The following TSNARE1 variants were observed in gnomAD, a reference collection of about 807,000 sequenced individuals.
TSNARE1 encodes the protein t-SNARE domain containing 1, also known as t-SNARE domain-containing protein 1.
A neutral mutation model predicts 62.0 loss-of-function variants in TSNARE1; 49 were observed. The observed-to-expected ratio is 0.79, with a 90% CI of 0.63 to 1.00. The LOEUF is 1.00. TSNARE1 is among the 50% of genes least tolerant of loss of function. The probability of loss-of-function intolerance (pLI) is 0.00; values close to 1 mark genes in which losing one functional copy is unlikely to be tolerated. For missense variants in TSNARE1, 755 were observed against 700.1 expected (o/e 1.08, Z -0.88); for synonymous variants, 328 against 294.4 (o/e 1.11, Z -1.17).
chr8:142,334,937 G>A (rs1831546579), intron 4 of TSNARE1, among the ~76,000 whole-genome samples: 1 of 152,250 alleles, frequency 6.6e-6, no homozygotes, highest in African/African-American at 2.4e-5. Flanking sequence ...AATGTTAGAA[G>A]CAGCTAGTTA....
intron 13 of TSNARE1, among the ~76,000 whole-genome samples, chr8:142,215,585 C>A (rs547025376): frequency 6.6e-6 from 1 of 152,170 alleles, no homozygotes; most frequent in Non-Finnish European, 1.5e-5. Flanking sequence ...AACCTGAGAA[C>A]CCCCAGGAGA....
chr8:142,287,784 G>A (rs1366751714), intron 10 of TSNARE1, among the ~76,000 whole-genome samples: 4 of 149,518 alleles, frequency 2.7e-5, no homozygotes, highest in South Asian at 2.2e-4. Context: ...CAGATCTCAG[G>A]GACAGTGGGC....
chr8:142,261,075 A>G (rs1377883112), intron 12 of TSNARE1, among the ~76,000 whole-genome samples: 2 of 3,622 alleles, frequency 5.5e-4, no homozygotes, highest in African/African-American at 1.2e-3. Flanking sequence ...GAGGGAGGAG[A>G]GAGGAAAGGA....
chr8:142,328,965 T>C (rs1449651322), intron 6 of TSNARE1, among the ~76,000 whole-genome samples: 1 of 152,208 alleles, frequency 6.6e-6, no homozygotes, highest in Non-Finnish European at 1.5e-5. Context: ...CTCCTGAGAC[T>C]GGGTCCCTCC....
intron 12 of TSNARE1, among the ~76,000 whole-genome samples, chr8:142,232,585 G>A (rs1406545028): frequency 6.6e-6 from 1 of 152,228 alleles, no homozygotes; most frequent in Non-Finnish European, 1.5e-5. Flanking sequence ...GAGCCCGAGG[G>A]AGCACCTGCG....
At chr8:142,282,307 C>T (rs534921982) in intron 11 of TSNARE1, among the ~76,000 whole-genome samples, 2 of 152,360 alleles carry the variant, frequency 1.3e-5, no homozygotes, top group African/African-American at 2.4e-5. Context: ...AGAACAGCCT[C>T]ACTGTGGGGA....
chr8:142,305,820 C>T (rs879918144), intron 9 of TSNARE1, among the ~76,000 whole-genome samples: 16 of 152,226 alleles, frequency 1.1e-4, no homozygotes, highest in Non-Finnish European at 1.8e-4. Context: ...TTTCTCCTCC[C>T]CACAGGGCTC....
intron 1 of TSNARE1, among the ~76,000 whole-genome samples, chr8:142,394,780 C>T (rs932444951): frequency 6.6e-6 from 1 of 152,176 alleles, no homozygotes; most frequent in Admixed American, 6.5e-5. Context: ...GCAGGGTCAC[C>T]GCAGCACTCC....
At chr8:142,232,541 C>G (rs1177685205) in intron 12 of TSNARE1, among the ~76,000 whole-genome samples, 1 of 152,224 alleles carries the variant, frequency 6.6e-6, no homozygotes, top group Non-Finnish European at 1.5e-5. Flanking sequence ...GCCAAAGGGG[C>G]GGACCCGGAT....
intron 9 of TSNARE1, 39 bp downstream of exon 9, chr8:142,314,345 C>T (rs1183723317): frequency 6.3e-7 from 1 of 1,586,062 alleles, no homozygotes; most frequent in Non-Finnish European, 8.6e-7. Flanking sequence ...TGGGCTGTCC[C>T]CTAACAGCCA....
chr8:142,291,897 A>C lies in TSNARE1; in HGVS notation c.1291-7412T>G, dbSNP rs1365491722. ...TGAGGTGTGGGGTGAGGAATGAGGG[A>C]GAGGACAGTCCATTGGGAGTACGGG... On this transcript the variant is annotated intron_variant, in intron 10 of 13. Transcript: ENST00000524325. This position sits in a 1 kb window ranked among gnomAD's most constrained non-coding sequence, Gnocchi z 4.8. 6.6e-6 allele frequency among the ~76,000 whole-genome samples: 1 copy of C among 151,966 alleles called. No homozygotes were observed.
At position 142,300,543 on chromosome 8, in the gene TSNARE1, G is replaced by A. The variant is rs1413524507; in HGVS notation, c.1233C>T (p.Ile411=). 6.2e-7 allele frequency: 1 copy of A among 1,611,994 alleles called. No individual in the cohort carries two copies. The highest frequency in any genetic ancestry group is 8.5e-7 in the Non-Finnish European group (1 of 1,179,968). ...QGQEQALLPD[I]TEEDLEAIRL... Reference sequence around the variant, plus strand: ...GGATGGCCTCCAGGTCCTCTTCAGTGATGTCCGGGAGCAGCGCCTGCTCCT... The same window carrying A: ...GGATGGCCTCCAGGTCCTCTTCAGTAATGTCCGGGAGCAGCGCCTGCTCCT... The change falls in exon 10 of 14, where the codon ATC becomes ATT. Residue 411 remains isoleucine (I), a synonymous_variant. Transcript: ENST00000524325.
intron 11 of TSNARE1, chr8:142,280,235 T>G: frequency 1.0e-6 from 1 of 985,292 alleles, no homozygotes; most frequent in Non-Finnish European, 1.2e-6. Flanking sequence ...CGCAGGGGTG[T>G]GGAGCCCGGC....
At chr8:142,384,065 C>CAA (rs1196319697) in intron 1 of TSNARE1, among the ~76,000 whole-genome samples, 1 of 152,176 alleles carries the variant, frequency 6.6e-6, no homozygotes, top group Non-Finnish European at 1.5e-5. Flanking sequence ...ACCCAGAACT[C>CAA]AAACGCCTTT....
At chr8:142,298,390 T>C (rs1407407978) in intron 10 of TSNARE1, among the ~76,000 whole-genome samples, 1 of 152,156 alleles carries the variant, frequency 6.6e-6, no homozygotes, top group African/African-American at 2.4e-5. Flanking sequence ...TCCACTCCTC[T>C]GAACCCCATC....
At chr8:142,255,912 C>T (rs1450456708) in intron 12 of TSNARE1, among the ~76,000 whole-genome samples, 1 of 75,192 alleles carries the variant, frequency 1.3e-5, no homozygotes, top group Non-Finnish European at 3.5e-5. Context: ...TCACCATCAC[C>T]ACCACCATCA....
chr8:142,284,366 C>G, intron 11 of TSNARE1, 47 bp downstream of exon 11: 1 of 1,510,440 alleles, frequency 6.6e-7, no homozygotes, highest in Non-Finnish European at 9.2e-7. Context: ...GGCTGGCAGG[C>G]AGGCCCTCGG....
At chr8:142,355,956 C>G (rs1307499194) in intron 1 of TSNARE1, among the ~76,000 whole-genome samples, 2 of 152,196 alleles carry the variant, frequency 1.3e-5, no homozygotes, top group South Asian at 2.1e-4. Flanking sequence ...ACAATCGGGA[C>G]CCAAACAGCT....
chr8:142,288,630 G>A (rs769604348), intron 10 of TSNARE1, among the ~76,000 whole-genome samples: 3 of 152,226 alleles, frequency 2.0e-5, no homozygotes, highest in Non-Finnish European at 4.4e-5. Flanking sequence ...TGCTATCCAC[G>A]CCAACCTCAC....
Sources: allele counts gnomAD v4.1 joint callset (sites outside exome capture counted in the v4.1 genomes callset), GRCh38; gene constraint gnomAD v4.1.1; non-coding constraint Gnocchi (gnomAD v3.1); transcripts MANE v1.5; gene names NCBI Gene and HGNC (gene_info 2026-07-23, HGNC 2026-07-21).